The following NCOA1 variants were observed in gnomAD, a reference collection of about 807,000 sequenced individuals.
NCOA1 encodes Hin-2 protein.
A neutral mutation model predicts 150.9 loss-of-function variants in NCOA1; 35 were observed. That is an observed-to-expected ratio of 0.23 (90% CI 0.18 to 0.31). NCOA1 has a LOEUF of 0.31. Among genes scored for constraint, NCOA1 ranks in the 10% least tolerant of loss-of-function variants. The pLI, the probability that NCOA1 is intolerant of heterozygous loss-of-function variation, is 1.00. For missense variants in NCOA1, 1,491 were observed against 1,749.3 expected, an observed-to-expected ratio of 0.85 and a Z score of 2.63; for synonymous variants, 590 against 630.0, an observed-to-expected ratio of 0.94 and a Z score of 0.95.
rs1674634931 is a variant in NCOA1, at chr2:24,726,586, C to G, written c.2600-3C>G. 1 of 1,590,962 alleles carries G rather than the reference C, an allele frequency of 6.3e-7. No homozygotes were observed. Among genetic ancestry groups the G allele is most frequent in the South Asian group, 1.1e-5 (1 of 88,642 alleles). ...GACTTCTTACCTTTTCTTCTTAAAT[C>G]AGGATTACCTGAGCTGGAATTGGAA... is the stretch of plus-strand genomic sequence containing the variant. On this transcript the variant is annotated splice_polypyrimidine_tract_variant and splice_region_variant and intron_variant, in intron 14 of 22. Transcript: ENST00000348332.
At chr2:24,519,682 T>A (rs1664343857) in intron 1 of NCOA1, among the ~76,000 whole-genome samples, 1 of 148,306 alleles carries the variant, frequency 6.7e-6, no homozygotes, top group African/African-American at 2.5e-5. Flanking sequence ...TTAGCTGGGT[T>A]AGGTGGTGCA....
At position 24,756,201 on chromosome 2, in the gene NCOA1, C is replaced by T. The variant is rs559940351; in HGVS notation, c.3882-1772C>T. Among the ~76,000 whole-genome samples, 7 of 152,168 alleles carry T rather than the reference C, an allele frequency of 4.6e-5. No individual in the cohort carries two copies. In the East Asian group the frequency reaches 1.4e-3, roughly 29 times the overall value. ...CCCAGGAGGCAGAGGTTACGGTGAG[C>T]TGAGTTTGCGCCATTGCACTCCAGC... is the stretch of plus-strand genomic sequence containing the variant. On this transcript the variant is annotated intron_variant, in intron 20 of 22. Coordinates refer to ENST00000348332, the MANE Select transcript of NCOA1 (RefSeq NM_003743.5).
chr2:24,718,730 A>G (rs981425269), intron 14 of NCOA1, among the ~76,000 whole-genome samples: 23 of 151,488 alleles, frequency 1.5e-4, no homozygotes, highest in African/African-American at 5.3e-4. Flanking sequence ...AACTACAAAA[A>G]AAAAAAAAAC....
At chr2:24,654,064 A>G (rs1572547007) in intron 4 of NCOA1, among the ~76,000 whole-genome samples, 2 of 152,262 alleles carry the variant, frequency 1.3e-5, no homozygotes, top group East Asian at 3.9e-4. Flanking sequence ...ACTTTGGTTA[A>G]TCTTATTTAT....
intron 1 of NCOA1, among the ~76,000 whole-genome samples, chr2:24,547,943 C>T (rs1187009815): frequency 1.1e-4 from 15 of 133,756 alleles, no homozygotes; most frequent in African/African-American, 2.8e-4. Context: ...GAGCCGAGAT[C>T]GCACCACTGA....
intron 3 of NCOA1, among the ~76,000 whole-genome samples, chr2:24,600,722 G>A (rs1309848481): frequency 1.3e-5 from 2 of 152,152 alleles, no homozygotes; most frequent in Admixed American, 1.3e-4. Flanking sequence ...TTCGGTGATA[G>A]TATTTATTCC....
At chr2:24,716,220 A>G (rs959202758) in intron 14 of NCOA1, among the ~76,000 whole-genome samples, 1 of 150,822 alleles carries the variant, frequency 6.6e-6, no homozygotes, top group African/African-American at 2.4e-5. Flanking sequence ...GTATATGAGA[A>G]TGCAAAGGTC....
At chr2:24,714,394 CAG>C (rs1488771518) in intron 14 of NCOA1, among the ~76,000 whole-genome samples, 1 of 151,484 alleles carries the variant, frequency 6.6e-6, no homozygotes, top group African/African-American at 2.4e-5. Context: ...CCAGAAATGA[CAG>C]AGATGATAGA....
chr2:24,678,469 C>T (rs1672020124), intron 7 of NCOA1, among the ~76,000 whole-genome samples: 1 of 152,200 alleles, frequency 6.6e-6, no homozygotes, highest in African/African-American at 2.4e-5. Flanking sequence ...ACCACACTGC[C>T]TTCCACAATG....
At chr2:24,494,667 T>C (rs1327588686) in intron 1 of NCOA1, among the ~76,000 whole-genome samples, 1 of 152,206 alleles carries the variant, frequency 6.6e-6, no homozygotes, top group Non-Finnish European at 1.5e-5. Flanking sequence ...AGGGTTCCAT[T>C]TTGCATTACT....
chr2:24,751,605 A>C (rs984225741), intron 19 of NCOA1, among the ~76,000 whole-genome samples: 1 of 151,830 alleles, frequency 6.6e-6, no homozygotes, highest in Non-Finnish European at 1.5e-5. Context: ...AAAAAAGTTT[A>C]ATTTACTACA....
chr2:24,554,261 G>A (rs894860817), intron 1 of NCOA1: 1 of 151,816 alleles, frequency 6.6e-6, no homozygotes, highest in East Asian at 1.9e-4. Context: ...TTAAATTATT[G>A]ATTCAAGACC....
rs760996585 is a variant in NCOA1 at position 24,762,699 on chromosome 2, G to A, written c.4078G>A (p.Ala1360Thr). 1.1e-5 allele frequency: 18 copies of A among 1,613,456 alleles called. No individual in the cohort carries two copies. The Admixed American group carries it at 1.2e-4, about 10-fold the overall frequency. Reference sequence around the variant, plus strand: ...TTATCTTTAATAGATAAATGATCCCGCACTGAGACACACAGGCCTCTACTG... The same window carrying A: ...TTATCTTTAATAGATAAATGATCCCACACTGAGACACACAGGCCTCTACTG... ...TVCPEQINDP[A>T]LRHTGLYCNQ... Residue 1360 changes from alanine (A) to threonine (T), a missense_variant, in exon 22 of 23, where the codon GCA (alanine) becomes ACA (threonine). Physicochemically the swap from Ala to Thr is moderately conservative, Grantham distance 58. Transcript: ENST00000348332.
intron 11 of NCOA1, among the ~76,000 whole-genome samples, chr2:24,702,964 A>C (rs1333337430): frequency 6.6e-6 from 1 of 152,364 alleles, no homozygotes; most frequent in Admixed American, 6.5e-5. Context: ...AGCTGTTGCC[A>C]TAAATAGTGT....
At chr2:24,760,827 AT>A (rs962578575) in intron 21 of NCOA1, among the ~76,000 whole-genome samples, 19 of 151,850 alleles carry the variant, frequency 1.3e-4, no homozygotes, top group Middle Eastern at 3.4e-3. Context: ...TTTGGAAAAA[AT>A]TTTTTGTTGT....
intron 2 of NCOA1, among the ~76,000 whole-genome samples, chr2:24,578,188 G>A (rs187072206): frequency 2.0e-5 from 3 of 152,116 alleles, no homozygotes; most frequent in Admixed American, 6.5e-5. Context: ...TAGTAATTTA[G>A]TGTACAGTGA....
chr2:24,578,778 T>C (rs574722864), intron 2 of NCOA1, among the ~76,000 whole-genome samples: 4 of 152,248 alleles, frequency 2.6e-5, no homozygotes, highest in Admixed American at 2.0e-4. Flanking sequence ...CTCTTGGGAA[T>C]TGACCCTAAG....
intron 1 of NCOA1, among the ~76,000 whole-genome samples, chr2:24,523,138 A>C (rs961686148): frequency 4.6e-5 from 7 of 152,166 alleles, no homozygotes; most frequent in Non-Finnish European, 8.8e-5. Context: ...ATTTCAGAAA[A>C]CATCTTCATG....
At chr2:24,602,056 G>A (rs547147162) in intron 3 of NCOA1, among the ~76,000 whole-genome samples, 2 of 151,944 alleles carry the variant, frequency 1.3e-5, no homozygotes, top group Admixed American at 6.6e-5. Flanking sequence ...TTCTTCTGTC[G>A]TTTCAAAAAA....
Sources: gnomAD v4.1 joint callset for allele counts (sites outside exome capture counted in the v4.1 genomes callset) on GRCh38, gnomAD v4.1.1 for gene constraint, MANE v1.5 for transcripts, NCBI Gene and HGNC (gene_info 2026-07-23, HGNC 2026-07-21) for gene names.